Variants in ATP2B4 observed in about 807,000 individuals in gnomAD.
ATP2B4 encodes the protein plasma membrane calcium-transporting ATPase 4.
A neutral mutation model predicts 110.3 loss-of-function variants in ATP2B4; 39 were observed. The observed-to-expected ratio is 0.35, with a 90% CI of 0.27 to 0.46. The LOEUF is 0.46. ATP2B4 is among the 20% of genes least tolerant of loss of function. ATP2B4 has a pLI of 1.00. For missense variants in ATP2B4, 1,135 were observed against 1,530.9 expected, an observed-to-expected ratio of 0.74 and a Z score of 4.32; for synonymous variants, 538 against 571.7, an observed-to-expected ratio of 0.94 and a Z score of 0.84.
intron 20 of ATP2B4, chr1:203,733,370 G>T: frequency 6.2e-7 from 1 of 1,613,958 alleles, no homozygotes; most frequent in Non-Finnish European, 8.5e-7. Flanking sequence ...CACCACTTCT[G>T]TTCCTGCTGT....
chr1:203,691,261 C>G (rs1052022521), intron 2 of ATP2B4, among the ~76,000 whole-genome samples: 1 of 152,190 alleles, frequency 6.6e-6, no homozygotes, highest in Non-Finnish European at 1.5e-5. Flanking sequence ...GGTTTTTAAC[C>G]TTCTCATTCT....
At chr1:203,695,553 A>C (rs987524545) in intron 2 of ATP2B4, among the ~76,000 whole-genome samples, 1 of 152,102 alleles carries the variant, frequency 6.6e-6, no homozygotes, top group Non-Finnish European at 1.5e-5. Flanking sequence ...GGGCACTGGG[A>C]GTCAGGAGAC....
chr1:203,726,359 C>T (rs1403331559), intron 19 of ATP2B4, among the ~76,000 whole-genome samples: 1 of 152,074 alleles, frequency 6.6e-6, no homozygotes, highest in East Asian at 1.9e-4. Flanking sequence ...TGAACCGCTG[C>T]ACCCAGCCCT....
chr1:203,735,958 A>G (rs1209322709), intron 20 of ATP2B4, among the ~76,000 whole-genome samples: 1 of 152,128 alleles, frequency 6.6e-6, no homozygotes, highest in Non-Finnish European at 1.5e-5. Context: ...ATCCTCAAAG[A>G]CTAGATCAGA....
chr1:203,653,985 A>ATATATTTT (rs1426863910), intron 1 of ATP2B4, among the ~76,000 whole-genome samples: 4 of 112,442 alleles, frequency 3.6e-5, no homozygotes, highest in African/African-American at 1.6e-4. Context: ...ATATATATAT[A>ATATATTTT]TTTTTTTTTT....
chr1:203,671,681 C>T (rs1294923430), intron 1 of ATP2B4, among the ~76,000 whole-genome samples: 1 of 152,156 alleles, frequency 6.6e-6, no homozygotes, highest in Middle Eastern at 3.2e-3. Flanking sequence ...GTTACTCATC[C>T]ATCAGCATCT....
At chr1:203,729,806 C>G (rs1228126003) in intron 20 of ATP2B4, 1 of 1,303,732 alleles carries the variant, frequency 7.7e-7, no homozygotes, top group African/African-American at 1.5e-5. Context: ...CCAGAAGGTG[C>G]TTTACAGTGG....
chr1:203,712,607 A>G (rs1316409761), intron 13 of ATP2B4, among the ~76,000 whole-genome samples: 2 of 151,356 alleles, frequency 1.3e-5, no homozygotes, highest in Admixed American at 6.6e-5. Context: ...GAAAAAAAAA[A>G]GAGGGGGGGA....
At chr1:203,706,862 A>T (rs558592749) in intron 8 of ATP2B4, 147 bp from the exon 9 acceptor site, 1 of 665,850 alleles carries the variant, frequency 1.5e-6, no homozygotes, top group Admixed American at 2.7e-5. Flanking sequence ...CAAGCAACAG[A>T]GAATGGGGGG....
intron 20 of ATP2B4, among the ~76,000 whole-genome samples, chr1:203,731,425 G>T (rs760911728): frequency 2.6e-5 from 4 of 152,166 alleles, no homozygotes; most frequent in Non-Finnish European, 5.9e-5. Context: ...TAAGCAGATA[G>T]ATATTTCTAA....
intron 7 of ATP2B4, among the ~76,000 whole-genome samples, chr1:203,702,652 T>G (rs2102389134): frequency 6.6e-6 from 1 of 152,330 alleles, no homozygotes; most frequent in Middle Eastern, 3.4e-3. Flanking sequence ...GTGTCTCTTT[T>G]GGTGACTGTG....
In ATP2B4 at chr1:203,707,998, G is replaced by T; in HGVS notation, c.1451G>T (p.Gly484Val). The change falls in exon 10 of 21, where the codon GGC becomes GTC. Residue 484 changes from glycine to valine, a missense_variant. This residue lies in a region of ATP2B4 where 368 missense variants were observed against 455.9 expected (regional missense o/e 0.81). Coordinates refer to ENST00000357681, the MANE Select transcript of ATP2B4 (RefSeq NM_001684.5). ...ACTGTGGTACAAGCTTATATTGGGG[G>T]CATCCATTACCGTCAAATCCCAAGC... is the stretch of plus-strand genomic sequence containing the variant. ...RMTVVQAYIG[G>V]IHYRQIPSPD... 2 of 1,614,182 alleles carry T rather than the reference G, an allele frequency of 1.2e-6. No homozygotes were observed. The highest frequency in any genetic ancestry group is 1.7e-6 in the Non-Finnish European group (2 of 1,180,050).
At chr1:203,717,626 TTTTATTTA>T (rs113515512) in intron 15 of ATP2B4, among the ~76,000 whole-genome samples, 2,382 of 144,212 alleles carry the variant, frequency 0.017, 72 homozygotes, top group African/African-American at 0.057. Flanking sequence ...ATGGTATTTA[TTTTATTTA>T]TTTATTTATT....
At chr1:203,687,120 T>C (rs1665217797) in intron 2 of ATP2B4, among the ~76,000 whole-genome samples, 1 of 151,130 alleles carries the variant, frequency 6.6e-6, no homozygotes, top group African/African-American at 2.4e-5. Context: ...AGAGTTACCA[T>C]AGGGCTTGTT....
At chr1:203,662,805 C>T (rs1335137267) in intron 1 of ATP2B4, among the ~76,000 whole-genome samples, 1 of 152,174 alleles carries the variant, frequency 6.6e-6, no homozygotes, top group African/African-American at 2.4e-5. Context: ...TAGCAGGAAA[C>T]TGAGGAGGGT....
chr1:203,658,293 A>G (rs138639637), intron 1 of ATP2B4, among the ~76,000 whole-genome samples: 5 of 151,960 alleles, frequency 3.3e-5, no homozygotes, highest in Admixed American at 6.6e-5. Context: ...GAAAACCAAG[A>G]TGAAAGGATC....
chr1:203,725,588 C>A (rs563763370), intron 19 of ATP2B4, among the ~76,000 whole-genome samples: 8 of 152,280 alleles, frequency 5.3e-5, no homozygotes, highest in Non-Finnish European at 1.0e-4. Flanking sequence ...ATGTCTTATT[C>A]CTTATAAATA....
chr1:203,720,879 GTCTGCTGTCTTCA>G, intron 16 of ATP2B4, 139 bp downstream of exon 16: 1 of 1,071,396 alleles, frequency 9.3e-7, no homozygotes, highest in Non-Finnish European at 1.3e-6. Context: ...GCTCTTCTAA[GTCTGCTGTCTTCA>G]TCTGCTTATG....
intron 1 of ATP2B4, among the ~76,000 whole-genome samples, chr1:203,662,614 G>A (rs535030944): frequency 6.6e-6 from 1 of 152,148 alleles, no homozygotes; most frequent in Non-Finnish European, 1.5e-5. Flanking sequence ...ATGTTTTCAA[G>A]GTTCATCCGT....
Sources: gnomAD v4.1 joint callset for allele counts (sites outside exome capture counted in the v4.1 genomes callset) on GRCh38, gnomAD v4.1.1 for gene constraint, gnomAD v4.1.1 regional missense constraint, MANE v1.5 for transcripts, NCBI Gene and HGNC (gene_info 2026-07-23, HGNC 2026-07-21) for gene names.